SIRT2: variants seen among roughly 807,000 people sequenced by gnomAD.
The protein encoded by SIRT2 is NAD-dependent protein deacetylase sirtuin-2.
Under a neutral mutation model 57.4 loss-of-function variants are expected in SIRT2, and 40 were observed. The observed-to-expected ratio is 0.70, with a 90% CI of 0.54 to 0.91. SIRT2 has a LOEUF of 0.91. Ranked by LOEUF, SIRT2 falls within the 40% of genes least tolerant of loss-of-function variation. The pLI is 0.00. For synonymous variants in SIRT2, 161 were observed against 195.7 expected (o/e 0.82, Z 1.48); for missense variants, 439 against 510.4 (o/e 0.86, Z 1.35).
chr19:38,880,911 C>A lies in SIRT2; in HGVS notation c.748-14G>T, dbSNP rs112848414. 3.9e-5 allele frequency: 63 copies of A among 1,612,516 alleles called. No individual in the cohort carries two copies. In the East Asian group the frequency reaches 1.3e-3, roughly 34 times the overall value. ...CTTCAGGAAGTCCTGCGGGGAGGGG[C>A]GTGAGCTTGGGAGCCTCCGCCCAGG... On this transcript the variant is annotated splice_polypyrimidine_tract_variant and intron_variant, in intron 11 of 15. Coordinates refer to ENST00000249396, the MANE Select transcript of SIRT2 (RefSeq NM_012237.4). This position sits in a 1 kb window ranked among gnomAD's most constrained non-coding sequence, Gnocchi z 4.1.
Position 38,889,941 on chromosome 19 carries a change from G to C in SIRT2, c.289C>G (p.Arg97Gly), listed in dbSNP as rs769376141. The part of the protein sequence containing the change: ...ISTSAGIPDF[R>G]SPSTGLYDNL... ...TCATAGAGGCCGGTGGATGGAGAGC[G>C]AAAGTCGGGGATGCCTGCGGCTAGG... Residue 97 changes from arginine to glycine, a missense_variant, in exon 6 of 16, where the codon CGC (arginine) becomes GGC (glycine). Coordinates refer to ENST00000249396, the MANE Select transcript of SIRT2 (RefSeq NM_012237.4). 3 of 1,614,166 alleles carry C rather than the reference G, an allele frequency of 1.9e-6. No homozygotes were observed. The highest frequency in any genetic ancestry group is 1.7e-6 in the Non-Finnish European group (2 of 1,180,020).
Position 38,890,053 on chromosome 19 carries a change from G to A in SIRT2, c.268+50C>T, listed in dbSNP as rs375447974. On this transcript the variant is annotated intron_variant, in intron 5 of 15. Coordinates refer to ENST00000249396, the MANE Select transcript of SIRT2 (RefSeq NM_012237.4). ...TAGGGCTCCTCCCCAGCCCTTGGGAGGGACTCCCCAGTTCCTGGGGGTAGC... is the reference window on the plus strand; with the variant it reads ...TAGGGCTCCTCCCCAGCCCTTGGGAAGGACTCCCCAGTTCCTGGGGGTAGC... 6.2e-6 allele frequency: 10 copies of A among 1,612,798 alleles called. No individual in the cohort carries two copies. In the African/African-American group the frequency reaches 1.2e-4, roughly 19 times the overall value.
chr19:38,892,514 C>T (rs1209864055), intron 4 of SIRT2, among the ~76,000 whole-genome samples: 1 of 152,204 alleles, frequency 6.6e-6, no homozygotes, highest in Non-Finnish European at 1.5e-5. Context: ...TGCCACAGCT[C>T]TCGCTATGTT....
intron 2 of SIRT2, among the ~76,000 whole-genome samples, chr19:38,895,887 A>G (rs1973700273): frequency 6.6e-6 from 1 of 152,204 alleles, no homozygotes; most frequent in South Asian, 2.1e-4. Context: ...CCTGGCCAAC[A>G]TGATGAAACC....
chr19:38,890,850 C>T (rs1973512256), intron 4 of SIRT2, among the ~76,000 whole-genome samples: 1 of 152,212 alleles, frequency 6.6e-6, no homozygotes, highest in African/African-American at 2.4e-5. Context: ...TGGCATCTGC[C>T]CATCAGCTGA....
At position 38,889,915 on chromosome 19, in the gene SIRT2, G is replaced by A. The variant is rs1973472222; in HGVS notation, c.315C>T (p.Asp105=). The A allele has an allele frequency of 1.9e-6, 3 of 1,614,176 alleles. No individual in the cohort carries two copies. The highest frequency in any genetic ancestry group is 2.5e-6 in the Non-Finnish European group (3 of 1,180,022). ...AGGGAAGATGGTACTTCTCTAGGTT[G>A]TCATAGAGGCCGGTGGATGGAGAGC... ...DFRSPSTGLY[D]NLEKYHLPYP... The change falls in exon 6 of 16, where the codon GAC becomes GAT. Residue 105 remains aspartate, a synonymous_variant. Coordinates refer to ENST00000249396, the MANE Select transcript of SIRT2 (RefSeq NM_012237.4).
In SIRT2 at chr19:38,878,938, A is replaced by T; in HGVS notation, c.*217T>A. 1 of 527,454 alleles carries T rather than the reference A, an allele frequency of 1.9e-6. No homozygotes were observed. The highest frequency in any genetic ancestry group is 3.3e-6 in the Non-Finnish European group (1 of 303,796). The allele number at this position is 527,454 out of a possible 1,614,324, so 32.7% of individuals were successfully genotyped here. Reference sequence around the variant, plus strand: ...TGGTTAGAGACAGTGGGGCTGGTAGAGATGCCTGTTTAAGCCTTGGCCTCT... The same window carrying T: ...TGGTTAGAGACAGTGGGGCTGGTAGTGATGCCTGTTTAAGCCTTGGCCTCT... On this transcript the variant is annotated 3_prime_UTR_variant, in exon 16 of 16. Transcript: ENST00000249396.
At chr19:38,882,419 G>A (rs1191009977) in intron 9 of SIRT2, among the ~76,000 whole-genome samples, 1 of 152,106 alleles carries the variant, frequency 6.6e-6, no homozygotes, top group African/African-American at 2.4e-5. Context: ...TGGATCGTTT[G>A]AGGTCAGGAG....
In SIRT2 at chr19:38,880,692, G is replaced by A; in HGVS notation, c.869C>T (p.Ala290Val). 1 of 1,572,154 alleles carries A rather than the reference G, an allele frequency of 6.4e-7. No homozygotes were observed. The highest frequency in any genetic ancestry group is 8.6e-7 in the Non-Finnish European group (1 of 1,156,350). ...TTGAAGAAGGGCTCTTACCTGGCCA[G>A]CTTTCTCCTTGTTGATGAGCAGGCG... is the stretch of plus-strand genomic sequence containing the variant. Reference protein sequence around the residue: ...TPRLLINKEKAGQSDPFLGMI... With the variant: ...TPRLLINKEKVGQSDPFLGMI... Residue 290 changes from alanine (A) to valine (V), a missense_variant, in exon 13 of 16, where the codon GCT becomes GTT. By Grantham distance (64) the Ala-to-Val change is moderately conservative. Transcript: ENST00000249396. This position sits in a 1 kb window ranked among gnomAD's most constrained non-coding sequence, Gnocchi z 4.1.
intron 1 of SIRT2, 51 bp from the exon 2 acceptor site, chr19:38,898,476 G>A (rs766805125): frequency 2.5e-6 from 3 of 1,201,718 alleles, no homozygotes; most frequent in Non-Finnish European, 2.3e-6. Context: ...ATTAAGGGGG[G>A]AATAAAGGGG....
chr19:38,893,556 G>C (rs2144697871), intron 3 of SIRT2, 29 bp from the exon 4 acceptor site: 1 of 1,514,350 alleles, frequency 6.6e-7, no homozygotes, highest in Non-Finnish European at 9.1e-7. Flanking sequence ...GACAGCGGCA[G>C]GACGGGCATT....
intron 9 of SIRT2, among the ~76,000 whole-genome samples, chr19:38,882,903 G>A (rs73930226): frequency 0.018 from 2,776 of 152,044 alleles, 86 homozygotes; most frequent in African/African-American, 0.064. Flanking sequence ...GGCTATTCAG[G>A]AATCCTCAGC....
In SIRT2 at chr19:38,883,742, C is replaced by T. The variant is rs1252720736; in HGVS notation, c.516G>A (p.Leu172=). Residue 172 remains leucine, a synonymous_variant, in exon 9 of 16, where the codon CTG becomes CTA. Transcript: ENST00000249396. The part of the protein sequence containing the change: ...LRCYTQNIDT[L]ERIAGLEQED... ...CCTGTTCCAGCCCGGCTATTCGCTC[C>T]AGGGTATCTATGTTCTAGAGGGAGA... is the stretch of plus-strand genomic sequence containing the variant. 1 of 1,614,042 alleles carries T rather than the reference C, an allele frequency of 6.2e-7. No homozygotes were observed. The highest frequency in any genetic ancestry group is 1.7e-5 in the Admixed American group (1 of 60,014).
chr19:38,883,510 C>A, intron 9 of SIRT2, 117 bp downstream of exon 9: 1 of 1,381,632 alleles, frequency 7.2e-7, no homozygotes, highest in Non-Finnish European at 9.9e-7. Flanking sequence ...CAAAAACAAA[C>A]AAACAAAACA....
chr19:38,889,420 G>C, intron 7 of SIRT2: 1 of 683,024 alleles, frequency 1.5e-6, no homozygotes, highest in African/African-American at 1.8e-5. Flanking sequence ...GCAGGGTCCC[G>C]GGCTCTCAAC....
chr19:38,886,267 A>G (rs1378541189), intron 8 of SIRT2, among the ~76,000 whole-genome samples: 2 of 152,118 alleles, frequency 1.3e-5, no homozygotes, highest in Non-Finnish European at 2.9e-5. Flanking sequence ...ACGCCCTGTA[A>G]CTTTCCTCCC....
chr19:38,879,923 T>C (rs189628457), intron 13 of SIRT2: 92 of 550,462 alleles, frequency 1.7e-4, no homozygotes, highest in African/African-American at 6.0e-4. Flanking sequence ...CCTCCTGGGT[T>C]CAAGTGATTC....
At position 38,896,484 on chromosome 19, in the gene SIRT2, A is replaced by G. The variant is rs577725022; in HGVS notation, c.63+1895T>C. Among the ~76,000 whole-genome samples, 27 of 152,270 alleles carry G rather than the reference A, an allele frequency of 1.8e-4. No homozygotes were observed. The East Asian group carries it at 5.0e-3, about 28-fold the overall frequency. The stretch of plus-strand genomic sequence containing the variant: ...TCCCCCTGCCTCCCAAAGTGCTGGG[A>G]TTACAGGTGTGAGCCACCGTGCCCG... On this transcript the variant is annotated intron_variant, in intron 2 of 15. Transcript: ENST00000249396.
intron 7 of SIRT2, 140 bp from the exon 8 acceptor site, chr19:38,889,295 C>CTGCT (rs1568401792): frequency 4.0e-6 from 3 of 758,874 alleles, no homozygotes; most frequent in Non-Finnish European, 7.1e-6. Context: ...GGAGAGACCA[C>CTGCT]TGCTATCCCC....
Sources: allele counts gnomAD v4.1 joint callset (sites outside exome capture counted in the v4.1 genomes callset), GRCh38; gene constraint gnomAD v4.1.1; non-coding constraint Gnocchi (gnomAD v3.1); transcripts MANE v1.5; gene names NCBI Gene and HGNC (gene_info 2026-07-23, HGNC 2026-07-21).